LRRIQ3: variants seen among roughly 807,000 people sequenced by gnomAD.
The protein encoded by LRRIQ3 is leucine rich repeats and IQ motif containing 3.
A neutral mutation model predicts 59.3 loss-of-function variants in LRRIQ3; 75 were observed. That is an observed-to-expected ratio of 1.26 (90% confidence interval 1.05 to 1.53). The LOEUF (loss-of-function observed/expected upper bound fraction) is 1.53, where lower values mean the gene tolerates loss of function less well. LRRIQ3 is among the 40% of genes most tolerant of loss of function. The pLI, the probability that LRRIQ3 is intolerant of heterozygous loss-of-function variation, is 0.00. For synonymous variants in LRRIQ3, 250 were observed against 231.3 expected (o/e 1.08, Z -0.73); for missense variants, 831 against 710.0 (o/e 1.17, Z -1.94).
chr1:74,093,384 T>C (rs937586382), intron 5 of LRRIQ3, among the ~76,000 whole-genome samples: 9 of 152,128 alleles, frequency 5.9e-5, no homozygotes, highest in South Asian at 4.1e-4. Flanking sequence ...ACTGATTTGG[T>C]AACTGCTATG....
chr1:74,187,304 TA>T (rs1407775556), intron 1 of LRRIQ3, among the ~76,000 whole-genome samples: 1 of 151,038 alleles, frequency 6.6e-6, no homozygotes, highest in Admixed American at 6.6e-5. Context: ...ATTAGTGGAT[TA>T]AAAAAATGTG....
At position 74,026,892 on chromosome 1, in the gene LRRIQ3, CT is replaced by C. The variant is rs771557685; in HGVS notation, c.1795del (p.Arg599AspfsTer9). On this transcript the variant is annotated frameshift_variant, in exon 8 of 8. Transcript: ENST00000354431. LOFTEE classifies it low-confidence loss of function (END_TRUNC). ...TACTTTTGTTTTAGCATCTTGAAGT[CT>C]TTCACAGGCTTTTTCAAAGGCAATC... is the stretch of plus-strand genomic sequence containing the variant. Reference protein sequence around the residue: ...DMIAFEKACERLQDAKTKVAI... With the variant: ...DMIAFEKACEXLQDAKTKVAI... 1 of 1,605,784 alleles carries C rather than the reference CT, an allele frequency of 6.2e-7. No individual in the cohort carries two copies. The highest frequency in any genetic ancestry group is 8.5e-7 in the Non-Finnish European group (1 of 1,175,358).
At chr1:74,078,260 A>C (rs1646231406) in intron 5 of LRRIQ3, among the ~76,000 whole-genome samples, 1 of 151,838 alleles carries the variant, frequency 6.6e-6, no homozygotes, top group African/African-American at 2.4e-5. Context: ...GAGGTATCTA[A>C]TGTCATGATA....
intron 6 of LRRIQ3, among the ~76,000 whole-genome samples, chr1:74,043,842 T>C (rs1243196046): frequency 6.6e-6 from 1 of 152,056 alleles, no homozygotes; most frequent in Non-Finnish European, 1.5e-5. Flanking sequence ...GATTATATAA[T>C]ACCAGAAAAG....
intron 3 of LRRIQ3, among the ~76,000 whole-genome samples, chr1:74,165,502 T>A (rs1280121969): frequency 1.3e-5 from 2 of 151,554 alleles, no homozygotes; most frequent in African/African-American, 4.8e-5. Flanking sequence ...TTCTTGAGGA[T>A]TTTTTACATA....
At chr1:74,183,876 A>G (rs896848553) in intron 1 of LRRIQ3, among the ~76,000 whole-genome samples, 192 bp from the exon 2 acceptor site, 5 of 152,056 alleles carry the variant, frequency 3.3e-5, no homozygotes, top group Admixed American at 3.3e-4. Context: ...ACAGCCAATC[A>G]GAATGTTATC....
chr1:74,109,964 G>T (rs961960418), intron 4 of LRRIQ3, among the ~76,000 whole-genome samples: 1 of 151,462 alleles, frequency 6.6e-6, no homozygotes, highest in Non-Finnish European at 1.5e-5. Context: ...AATTATATTT[G>T]TACTTCATTA....
chr1:74,139,022 A>G (rs1647177779), intron 4 of LRRIQ3, among the ~76,000 whole-genome samples: 1 of 151,486 alleles, frequency 6.6e-6, no homozygotes, highest in Admixed American at 6.6e-5. Flanking sequence ...AAAAATAAAG[A>G]AATAAAACAC....
At chr1:74,073,122 T>C (rs1006934966) in intron 6 of LRRIQ3, among the ~76,000 whole-genome samples, 2 of 152,142 alleles carry the variant, frequency 1.3e-5, no homozygotes, top group Admixed American at 6.6e-5. Context: ...TTCTCCAACA[T>C]GGTTCCTATC....
chr1:74,129,861 G>T (rs879640591), intron 4 of LRRIQ3, among the ~76,000 whole-genome samples: 10 of 151,952 alleles, frequency 6.6e-5, no homozygotes, highest in Non-Finnish European at 1.3e-4. Flanking sequence ...CTGGCCCAGG[G>T]TATGTCTAGA....
At chr1:74,137,516 A>G (rs893229637) in intron 4 of LRRIQ3, among the ~76,000 whole-genome samples, 1 of 152,084 alleles carries the variant, frequency 6.6e-6, no homozygotes, top group Non-Finnish European at 1.5e-5. Flanking sequence ...TAGTTCAACC[A>G]TTGTGGAAGA....
At chr1:74,125,660 A>C (rs770558814) in intron 4 of LRRIQ3, among the ~76,000 whole-genome samples, 2 of 151,908 alleles carry the variant, frequency 1.3e-5, no homozygotes, top group Non-Finnish European at 2.9e-5. Flanking sequence ...ACATTGATTG[A>C]TTTATGTACG....
chr1:74,124,049 T>C (rs2100592982), intron 4 of LRRIQ3, among the ~76,000 whole-genome samples: 2 of 152,072 alleles, frequency 1.3e-5, no homozygotes, highest in East Asian at 1.9e-4. Context: ...TCTCTGATAA[T>C]AGCCATTTTA....
chr1:74,116,848 T>A (rs535056078), intron 4 of LRRIQ3, among the ~76,000 whole-genome samples: 3 of 152,204 alleles, frequency 2.0e-5, no homozygotes, highest in East Asian at 1.9e-4. Context: ...TAATAAGGTA[T>A]AAATTGCAGA....
At chr1:74,098,598 T>C (rs1646484161) in intron 5 of LRRIQ3, among the ~76,000 whole-genome samples, 1 of 152,142 alleles carries the variant, frequency 6.6e-6, no homozygotes, top group Non-Finnish European at 1.5e-5. Flanking sequence ...CAACAGAATA[T>C]ACATTCTTCT....
chr1:74,176,235 G>A (rs1649632226), intron 3 of LRRIQ3, among the ~76,000 whole-genome samples: 1 of 152,018 alleles, frequency 6.6e-6, no homozygotes, highest in Non-Finnish European at 1.5e-5. Context: ...CATTGTCATA[G>A]AATTATGATT....
In LRRIQ3 at chr1:74,150,225, AG is replaced by A. The variant is rs770505569; in HGVS notation, c.707+5507del. Among the ~76,000 whole-genome samples, 87 of 152,288 alleles carry A rather than the reference AG, an allele frequency of 5.7e-4. 1 individual carries two copies. The highest frequency in any genetic ancestry group is 5.7e-3 in the Admixed American group (87 of 15,300). On this transcript the variant is annotated intron_variant, in intron 4 of 7. Coordinates refer to ENST00000354431, the MANE Select transcript of LRRIQ3 (RefSeq NM_001105659.2). ...TTAGAAAGGTAGATTGAAAAGTTAG[AG>A]GAAGGTTGGATCCTTGATTTTGTGC... is the stretch of plus-strand genomic sequence containing the variant.
chr1:74,175,372 T>C (rs1191102658), intron 3 of LRRIQ3, among the ~76,000 whole-genome samples: 2 of 152,190 alleles, frequency 1.3e-5, no homozygotes, highest in East Asian at 3.9e-4. Flanking sequence ...TGTCCCGTGA[T>C]GATTTAGCTG....
At chr1:74,046,402 C>A (rs555324350) in intron 6 of LRRIQ3, among the ~76,000 whole-genome samples, 1 of 152,188 alleles carries the variant, frequency 6.6e-6, no homozygotes, top group African/African-American at 2.4e-5. Flanking sequence ...ACTGGCTAGC[C>A]ATATGCTAGC....
Sources: gnomAD v4.1 joint callset for allele counts (sites outside exome capture counted in the v4.1 genomes callset) on GRCh38, gnomAD v4.1.1 for gene constraint, MANE v1.5 for transcripts, NCBI Gene and HGNC (gene_info 2026-07-23, HGNC 2026-07-21) for gene names.